Variants in FBXL18 observed in about 807,000 individuals in gnomAD.
FBXL18 encodes the protein F-box and leucine rich repeat protein 18.
Under a neutral mutation model 46.0 loss-of-function variants are expected in FBXL18, and 36 were observed. That is an observed-to-expected ratio of 0.78 (90% CI 0.60 to 1.03). The LOEUF is 1.03. FBXL18 is among the 50% of genes least tolerant of loss of function. The pLI, the probability that FBXL18 is intolerant of heterozygous loss-of-function variation, is 0.00. For synonymous variants in FBXL18, 557 were observed against 465.3 expected, an observed-to-expected ratio of 1.20 and a Z score of -2.54; for missense variants, 977 against 1,004.1, an observed-to-expected ratio of 0.97 and a Z score of 0.36.
intron 2 of FBXL18, 84 bp from the exon 3 acceptor site, chr7:5,502,115 C>G: frequency 1.0e-6 from 1 of 986,414 alleles, no homozygotes; most frequent in Non-Finnish European, 1.5e-6. Flanking sequence ...GCACACTCCC[C>G]CTTGCAGCAG....
intron 4 of FBXL18, among the ~76,000 whole-genome samples, chr7:5,468,114 C>T (rs917538497): frequency 5.3e-5 from 8 of 152,038 alleles, no homozygotes; most frequent in Non-Finnish European, 7.4e-5. Context: ...TCCCGAGTAG[C>T]TGGGACTACA....
At chr7:5,468,328 A>G (rs1359614779) in intron 4 of FBXL18, among the ~76,000 whole-genome samples, 1 of 152,094 alleles carries the variant, frequency 6.6e-6, no homozygotes, top group Admixed American at 6.6e-5. Flanking sequence ...TGTGTCAGCC[A>G]GGATGGCCTC....
At chr7:5,465,269 C>T (rs1378689333) in intron 4 of FBXL18, among the ~76,000 whole-genome samples, 1 of 151,164 alleles carries the variant, frequency 6.6e-6, no homozygotes, top group South Asian at 2.1e-4. Flanking sequence ...GGCATGATCT[C>T]AGCTTACTGC....
chr7:5,483,970 G>A (rs1783711123), intron 4 of FBXL18, among the ~76,000 whole-genome samples: 1 of 152,156 alleles, frequency 6.6e-6, no homozygotes, highest in African/African-American at 2.4e-5. Context: ...ATAGCAGAAA[G>A]GCACTCACAA....
At chr7:5,469,055 G>C (rs1212116812) in intron 4 of FBXL18, among the ~76,000 whole-genome samples, 1 of 152,080 alleles carries the variant, frequency 6.6e-6, no homozygotes, top group Non-Finnish European at 1.5e-5. Flanking sequence ...AGCAGTGGGG[G>C]TTGTGTGTGT....
chr7:5,483,675 C>A (rs1469014160), intron 4 of FBXL18, among the ~76,000 whole-genome samples: 3 of 146,710 alleles, frequency 2.0e-5, no homozygotes, highest in South Asian at 4.4e-4. Context: ...ACCTGGGAGG[C>A]GGAGGTTGCA....
At chr7:5,512,298 A>G (rs1339637820) in intron 1 of FBXL18, among the ~76,000 whole-genome samples, 1 of 71,816 alleles carries the variant, frequency 1.4e-5, no homozygotes, top group East Asian at 3.2e-4. Flanking sequence ...AGTGTTATTT[A>G]AAAAAAAAAA....
At position 5,505,560 on chromosome 7, in the gene FBXL18, C is replaced by T; in HGVS notation, c.89G>A (p.Gly30Glu). 1 of 1,613,962 alleles carries T rather than the reference C, an allele frequency of 6.2e-7. No homozygotes were observed. Among genetic ancestry groups the T allele is most frequent in the Non-Finnish European group, 8.5e-7 (1 of 1,179,962 alleles). Residue 30 changes from glycine (G) to glutamate (E), a missense_variant, in exon 2 of 5, where the codon GGG becomes GAG. Coordinates refer to ENST00000382368, the MANE Select transcript of FBXL18 (RefSeq NM_024963.6). ...GTGAAGGAGGATCTCATCAGAGAAC[C>T]CTAGGAGGTGGACCCCGTCTGCCAT... is the stretch of plus-strand genomic sequence containing the variant. ...AGMADGVHLL[G>E]FSDEILLHIL...
rs1387498060 is a variant in FBXL18 at position 5,455,393 on chromosome 7, T to A, written c.2001-7550A>T. On this transcript the variant is annotated intron_variant and NMD_transcript_variant, in intron 4 of 6. Coordinates refer to the FBXL18 transcript ENST00000415009. This position sits in a 1 kb window ranked among gnomAD's most constrained non-coding sequence, Gnocchi z 4.6. ...TTGGGGAGCACCCTCAGGGAAGTAC[T>A]CTAGGGAGTACTCTTGGGGAGCCTA... Among the ~76,000 whole-genome samples, 1 of 151,926 alleles carries A rather than the reference T, an allele frequency of 6.6e-6. No individual in the cohort carries two copies. The highest frequency in any genetic ancestry group is 1.5e-5 in the Non-Finnish European group (1 of 67,924).
chr7:5,470,684 GCCCC>G (rs1391750032), intron 4 of FBXL18, among the ~76,000 whole-genome samples: 410 of 133,982 alleles, frequency 3.1e-3, no homozygotes, highest in African/African-American at 9.1e-3. Context: ...CCCAGAGGCT[GCCCC>G]CTCCCCTTCC....
intron 1 of FBXL18, among the ~76,000 whole-genome samples, 177 bp from the exon 2 acceptor site, chr7:5,505,807 G>C (rs1396658328): frequency 4.6e-5 from 7 of 152,174 alleles, no homozygotes; most frequent in African/African-American, 1.7e-4. Context: ...CCATTATAGA[G>C]CTGTAAGCCA....
In FBXL18 at chr7:5,491,313, A is replaced by C. The variant is rs755684773; in HGVS notation, c.1918T>G (p.Cys640Gly). 1 of 1,611,998 alleles carries C rather than the reference A, an allele frequency of 6.2e-7. No individual in the cohort carries two copies. The highest frequency in any genetic ancestry group is 2.2e-5 in the East Asian group (1 of 44,856). Residue 640 changes from cysteine to glycine, a missense_variant, in exon 4 of 5, where the codon TGC becomes GGC. Physicochemically the swap from Cys to Gly is radical, Grantham distance 159 (BLOSUM62 -3). Coordinates refer to ENST00000382368, the MANE Select transcript of FBXL18 (RefSeq NM_024963.6). ...PDAVLAFMARCLQVVMCHLFT... is the reference protein window; with the variant it reads ...PDAVLAFMARGLQVVMCHLFT... ...AGGTGGCACATGACAACCTGCAGGCAGCGAGCCATGAAGGCCAGCACGGCA... is the reference window on the plus strand; with the variant it reads ...AGGTGGCACATGACAACCTGCAGGCCGCGAGCCATGAAGGCCAGCACGGCA...
chr7:5,454,856 T>C (rs72577283), intron 4 of FBXL18, among the ~76,000 whole-genome samples: 10,667 of 152,290 alleles, frequency 0.07, 1,413 homozygotes, highest in East Asian at 0.61. Flanking sequence ...TCAGCGCAGA[T>C]GGCCACCCGA....
intron 1 of FBXL18, among the ~76,000 whole-genome samples, chr7:5,510,328 A>G (rs1303082606): frequency 2.0e-5 from 3 of 149,010 alleles, no homozygotes; most frequent in South Asian, 4.2e-4. Context: ...AAAAGAAAAG[A>G]AAAAAAAACC....
chr7:5,470,528 G>T (rs10951953), intron 4 of FBXL18, among the ~76,000 whole-genome samples: 2 of 151,980 alleles, frequency 1.3e-5, no homozygotes, highest in South Asian at 4.1e-4. Context: ...GAAACCGCAG[G>T]AAGGGCCTGG....
intron 4 of FBXL18, among the ~76,000 whole-genome samples, chr7:5,488,007 C>T (rs905863565): frequency 6.6e-6 from 1 of 152,264 alleles, no homozygotes; most frequent in African/African-American, 2.4e-5. Flanking sequence ...GTGTAACCAG[C>T]GCCCTCTGGG....
At chr7:5,465,021 C>T (rs997592771) in intron 4 of FBXL18, among the ~76,000 whole-genome samples, 5 of 152,058 alleles carry the variant, frequency 3.3e-5, no homozygotes, top group Non-Finnish European at 7.4e-5. Flanking sequence ...CGAGACTGTG[C>T]CATTGCACTC....
In FBXL18 at chr7:5,501,913, C is replaced by T. The variant is rs1784276250; in HGVS notation, c.356G>A (p.Arg119His). ...GSTVEHVARC[R>H]SLVKVNLSGC... ...CGAGAGGTTCACCTTCACCAGGCTG[C>T]GGCAGCGGGCCACGTGTTCCACGGT... is the stretch of plus-strand genomic sequence containing the variant. The change falls in exon 3 of 5, where the codon CGC (arginine) becomes CAC (histidine). Residue 119 changes from arginine (R) to histidine (H), a missense_variant. By Grantham distance (29) the Arg-to-His change is conservative. Coordinates refer to ENST00000382368, the MANE Select transcript of FBXL18 (RefSeq NM_024963.6). 1.2e-6 allele frequency: 2 copies of T among 1,601,374 alleles called. No homozygotes were observed. Among genetic ancestry groups the T allele is most frequent in the African/African-American group, 1.3e-5 (1 of 74,958 alleles).
downstream of FBXL18, among the ~76,000 whole-genome samples, chr7:5,474,051 C>A (rs1483627062): frequency 6.6e-6 from 1 of 152,096 alleles, no homozygotes; most frequent in East Asian, 1.9e-4. Flanking sequence ...CCAGCCTTGG[C>A]CTCTCCAACT....
Sources: gnomAD v4.1 joint callset for allele counts (sites outside exome capture counted in the v4.1 genomes callset) on GRCh38, gnomAD v4.1.1 for gene constraint, Gnocchi (gnomAD v3.1) non-coding constraint, MANE v1.5 for transcripts, NCBI Gene and HGNC (gene_info 2026-07-23, HGNC 2026-07-21) for gene names.